ZBTB46: variants seen among roughly 807,000 people sequenced by gnomAD.
ZBTB46 encodes zinc finger and BTB domain containing 46.
ZBTB46 carries 8 observed loss-of-function variants against 44.1 expected under a neutral mutation model. The ratio of observed to expected loss-of-function variants is 0.18; its 90% CI spans 0.11 to 0.33. The LOEUF (loss-of-function observed/expected upper bound fraction) is 0.33. Among genes scored for constraint, ZBTB46 ranks in the 10% least tolerant of loss-of-function variants. The pLI, the probability that ZBTB46 is intolerant of heterozygous loss-of-function variation, is 1.00. For synonymous variants in ZBTB46, 409 were observed against 382.3 expected (o/e 1.07, Z -0.81); for missense variants, 651 against 847.7 (o/e 0.77, Z 2.88).
chr20:63,805,700 G>A (rs2146001863), intron 1 of ZBTB46, among the ~76,000 whole-genome samples: 1 of 152,126 alleles, frequency 6.6e-6, no homozygotes, highest in East Asian at 1.9e-4. Flanking sequence ...CCAGCAGGTG[G>A]TACTTTCACA....
intron 3 of ZBTB46, among the ~76,000 whole-genome samples, chr20:63,770,768 C>G (rs1031874372): frequency 6.6e-6 from 1 of 152,220 alleles, no homozygotes; most frequent in East Asian, 1.9e-4. Flanking sequence ...CCACCCGGCA[C>G]CCCGTACCGC....
At chr20:63,806,407 C>CAAAAAAAAAAAA (rs58233169) in intron 1 of ZBTB46, among the ~76,000 whole-genome samples, 1 of 91,470 alleles carries the variant, frequency 1.1e-5, no homozygotes. Context: ...AACTCCATCT[C>CAAAAAAAAAAAA]AAAAAAAAAA....
At position 63,744,691 on chromosome 20, in the gene ZBTB46, A is replaced by G. The variant is rs1042737713; in HGVS notation, c.*2239T>C. 5 of 152,422 alleles carry G rather than the reference A, an allele frequency of 3.3e-5. No individual in the cohort carries two copies. The highest frequency in any genetic ancestry group is 1.3e-4 in the Admixed American group (2 of 15,286). The allele number at this position is 152,422 out of a possible 1,614,324, so 9.4% of individuals were successfully genotyped here. A position where few individuals can be genotyped will look rare whatever the true frequency, so the allele number is the denominator to read the frequency against. ...CTCTTCAGTCGGCAAACTGCGAACAAGAACAGGAAATCTGCCACGCAGCAA... is the reference window on the plus strand; with the variant it reads ...CTCTTCAGTCGGCAAACTGCGAACAGGAACAGGAAATCTGCCACGCAGCAA... On this transcript the variant is annotated 3_prime_UTR_variant, in exon 5 of 5. Coordinates refer to ENST00000245663, the MANE Select transcript of ZBTB46 (RefSeq NM_001369741.1).
intron 1 of ZBTB46, among the ~76,000 whole-genome samples, chr20:63,802,706 C>T (rs1322691449): frequency 2.0e-5 from 3 of 147,612 alleles, no homozygotes; most frequent in Non-Finnish European, 3.0e-5. Flanking sequence ...ACGACCGAAC[C>T]TCAGGCCCCC....
chr20:63,815,431 G>A (rs563654291), intron 1 of ZBTB46, among the ~76,000 whole-genome samples: 10 of 149,062 alleles, frequency 6.7e-5, no homozygotes, highest in African/African-American at 2.5e-4. Context: ...GTGCAGGTGG[G>A]CACAGGTGCA....
upstream of ZBTB46, among the ~76,000 whole-genome samples, chr20:63,833,317 C>A (rs1288151668): frequency 6.6e-6 from 1 of 152,322 alleles, no homozygotes; most frequent in East Asian, 1.9e-4. Flanking sequence ...GAGGGCCGGG[C>A]GCGGTGTCTC....
chr20:63,759,026 C>A (rs556754555), intron 3 of ZBTB46, among the ~76,000 whole-genome samples: 7 of 152,302 alleles, frequency 4.6e-5, no homozygotes, highest in African/African-American at 1.7e-4. Flanking sequence ...GCCATGGTGC[C>A]CAGCGGAGAT....
chr20:63,831,835 C>A (rs1016723314), upstream of ZBTB46, among the ~76,000 whole-genome samples: 30 of 151,688 alleles, frequency 2.0e-4, no homozygotes, highest in African/African-American at 1.4e-4. Context: ...CTTGGCGACT[C>A]CCCCAGCCCG....
At chr20:63,783,384 G>A (rs1034303215) in intron 2 of ZBTB46, among the ~76,000 whole-genome samples, 6 of 152,202 alleles carry the variant, frequency 3.9e-5, no homozygotes, top group Non-Finnish European at 8.8e-5. Flanking sequence ...AGCCGAGATC[G>A]CGCCATTGCA....
chr20:63,768,496 A>G lies in ZBTB46; in HGVS notation c.1222+7182T>C, dbSNP rs1402994280. 2.6e-5 allele frequency among the ~76,000 whole-genome samples: 4 copies of G among 152,144 alleles called. No individual in the cohort carries two copies. In the East Asian group the frequency reaches 7.7e-4, roughly 29 times the overall value. ...GATACCCTAACCTGTAATCCCAGCT[A>G]CTTGGGAGGCTGAGGCAGGAGAATC... On this transcript the variant is annotated intron_variant, in intron 3 of 4. Transcript: ENST00000245663.
upstream of ZBTB46, among the ~76,000 whole-genome samples, chr20:63,833,329 C>T (rs1316665908): frequency 6.6e-6 from 1 of 152,212 alleles, no homozygotes. Flanking sequence ...CGGTGTCTCA[C>T]GCCTGTAATC....
chr20:63,821,440 C>CT (rs367924517), intron 1 of ZBTB46, among the ~76,000 whole-genome samples: 23,792 of 139,388 alleles, frequency 0.17, 2,342 homozygotes, highest in African/African-American at 0.27. Context: ...AGCAGGCACG[C>CT]TTTTTTTTTT....
At chr20:63,815,549 GTGCAGTGGGTGCAGA>G (rs1568901569) in intron 1 of ZBTB46, among the ~76,000 whole-genome samples, 1 of 101,714 alleles carries the variant, frequency 9.8e-6, no homozygotes, top group African/African-American at 4.5e-5. Flanking sequence ...GTGGGTGCAG[GTGCAGTGGGTGCAGA>G]TGGGCACAGG....
intron 1 of ZBTB46, 43 bp downstream of exon 1, chr20:63,831,054 T>G (rs1258827666): frequency 7.3e-6 from 1 of 137,456 alleles, no homozygotes; most frequent in Non-Finnish European, 1.6e-5. Context: ...CCCGCCGCGA[T>G]GCGCCCGCCC....
At chr20:63,782,830 C>G (rs2092481827) in intron 2 of ZBTB46, among the ~76,000 whole-genome samples, 1 of 152,226 alleles carries the variant, frequency 6.6e-6, no homozygotes, top group African/African-American at 2.4e-5. Flanking sequence ...GTTGGCCAGG[C>G]AGTGGCTCAC....
chr20:63,821,354 T>C (rs2092791304), intron 1 of ZBTB46, among the ~76,000 whole-genome samples: 1 of 151,574 alleles, frequency 6.6e-6, no homozygotes, highest in Admixed American at 6.6e-5. Context: ...GGTCTTGCTG[T>C]GTTGCCCAGG....
Position 63,790,098 on chromosome 20 carries a change from G to A in ZBTB46, c.660C>T (p.Asp220=), listed in dbSNP as rs202192767. The A allele has an allele frequency of 1.9e-5, 31 of 1,613,902 alleles. No individual in the cohort carries two copies. Among genetic ancestry groups the A allele is most frequent in the Middle Eastern group, 1.6e-4 (1 of 6,084 alleles). The change falls in exon 2 of 5, where the codon GAC becomes GAT. Residue 220 remains aspartate, a synonymous_variant. Coordinates refer to ENST00000245663, the MANE Select transcript of ZBTB46 (RefSeq NM_001369741.1). ...DVSSQPLWPG[D]VGYGPLRIKE... The stretch of plus-strand genomic sequence containing the variant: ...TGATGCGCAGAGGCCCGTAGCCCAC[G>A]TCTCCAGGCCATAGAGGCTGTGAAG...
chr20:63,827,945 A>T (rs918796802), intron 1 of ZBTB46, among the ~76,000 whole-genome samples: 2 of 152,198 alleles, frequency 1.3e-5, no homozygotes, highest in Non-Finnish European at 2.9e-5. Context: ...TTTAGAGACA[A>T]GGCCTCGCTC....
chr20:63,782,141 T>C lies in ZBTB46; in HGVS notation c.938-6179A>G, dbSNP rs1214198445. On this transcript the variant is annotated intron_variant, in intron 2 of 4. Coordinates refer to ENST00000245663, the MANE Select transcript of ZBTB46 (RefSeq NM_001369741.1). ...GATTTTCACCAAAATCCCCGGCTAC[T>C]GTATGCAAACCCCCAGTGGTGAGCC... 2.7e-5 allele frequency among the ~76,000 whole-genome samples: 4 copies of C among 149,808 alleles called. No individual in the cohort carries two copies. The South Asian group carries it at 6.4e-4, about 24-fold the overall frequency.
Sources: gnomAD v4.1 joint callset for allele counts (sites outside exome capture counted in the v4.1 genomes callset) on GRCh38, gnomAD v4.1.1 for gene constraint, MANE v1.5 for transcripts, NCBI Gene and HGNC (gene_info 2026-07-23, HGNC 2026-07-21) for gene names.